ZNF236: variants seen among roughly 807,000 people sequenced by gnomAD.
The protein encoded by ZNF236 is regulated by glucose.
ZNF236 carries 50 observed loss-of-function variants against 191.2 expected under a neutral mutation model. That is an observed-to-expected ratio of 0.26 (90% CI 0.21 to 0.33). The LOEUF (loss-of-function observed/expected upper bound fraction) is 0.33. Ranked by LOEUF, ZNF236 falls within the 10% of genes least tolerant of loss-of-function variation. The pLI is 1.00. For missense variants in ZNF236, 1,754 were observed against 2,374.5 expected (o/e 0.74, Z 5.43); for synonymous variants, 907 against 928.8 (o/e 0.98, Z 0.43).
intron 14 of ZNF236, among the ~76,000 whole-genome samples, chr18:76,909,246 C>T (rs939593208): frequency 7.1e-6 from 1 of 140,736 alleles, no homozygotes; most frequent in African/African-American, 2.7e-5. Context: ...ACCTGGGAGG[C>T]GGAGGTTGCA....
At chr18:76,878,290 GAATT>G (rs1976773680) in intron 7 of ZNF236, 138 bp downstream of exon 7, 1 of 739,254 alleles carries the variant, frequency 1.4e-6, no homozygotes, top group Non-Finnish European at 2.0e-6. Context: ...ACTTTTTAAA[GAATT>G]AAAGTCAATC....
intron 26 of ZNF236, among the ~76,000 whole-genome samples, chr18:76,938,301 G>A (rs952168461): frequency 1.3e-5 from 2 of 152,070 alleles, no homozygotes; most frequent in African/African-American, 4.8e-5. Context: ...GAGGTGGGAG[G>A]ATTGGGTGAG....
intron 3 of ZNF236, among the ~76,000 whole-genome samples, chr18:76,865,527 T>C (rs1976382509): frequency 6.6e-6 from 1 of 152,196 alleles, no homozygotes; most frequent in South Asian, 2.1e-4. Flanking sequence ...GAGAGCCTTC[T>C]GAAGAAAGCC....
chr18:76,922,192 C>CT (rs1178850474), intron 20 of ZNF236, among the ~76,000 whole-genome samples: 3 of 152,194 alleles, frequency 2.0e-5, no homozygotes, highest in Admixed American at 1.3e-4. Flanking sequence ...CCGACGAACA[C>CT]TGAGTTTCCA....
chr18:76,830,874 G>A (rs117568253), intron 1 of ZNF236, among the ~76,000 whole-genome samples: 2,403 of 152,244 alleles, frequency 0.016, 30 homozygotes, highest in Non-Finnish European at 0.019. Flanking sequence ...CTTTTGCTAA[G>A]CTCCTGTTGA....
Position 76,923,176 on chromosome 18 carries a change from TAAGGA to T in ZNF236, c.3661+5_3661+9del, listed in dbSNP as rs776398456. 30 of 1,597,998 alleles carry T rather than the reference TAAGGA, an allele frequency of 1.9e-5. 1 individual carries two copies. The South Asian group carries it at 3.1e-4, about 16-fold the overall frequency. ...ATTGTCATGTGAAGACTCACACAGG[TAAGGA>T]AAACATGCCTGCGTCATTGGTAGAG... On this transcript the variant is annotated splice_donor_5th_base_variant and intron_variant, in intron 21 of 30. Coordinates refer to ENST00000320610, the MANE Select transcript of ZNF236 (RefSeq NM_001306089.2).
chr18:76,956,213 T>G (rs1968521117), intron 28 of ZNF236, 31 bp downstream of exon 28: 1 of 1,540,076 alleles, frequency 6.5e-7, no homozygotes, highest in Non-Finnish European at 8.7e-7. Flanking sequence ...CACAGCTGTG[T>G]GCCCCCCAGG....
intron 4 of ZNF236, among the ~76,000 whole-genome samples, chr18:76,870,145 CTT>C (rs1976539171): frequency 1.3e-5 from 2 of 152,214 alleles, no homozygotes; most frequent in Admixed American, 1.3e-4. Flanking sequence ...TATTTAGCCT[CTT>C]AGACATTGCA....
intron 3 of ZNF236, among the ~76,000 whole-genome samples, chr18:76,863,502 C>T (rs530390256): frequency 1.3e-5 from 2 of 152,192 alleles, no homozygotes; most frequent in South Asian, 4.1e-4. Context: ...GCGAATTTCT[C>T]ATCTGCCTCC....
In ZNF236 at chr18:76,904,227, C is replaced by T. The variant is rs562280094; in HGVS notation, c.1895-153C>T. On this transcript the variant is annotated intron_variant, in intron 11 of 30. Transcript: ENST00000320610. ...TTCCCCATAGGTATTCTTTGAATAG[C>T]CAGTTCCTAACACAATTAAAATAAC... Among the ~76,000 whole-genome samples the T allele has an allele frequency of 5.5e-4, 83 of 151,634 alleles. 1 individual carries two copies. In the South Asian group the frequency reaches 0.017, roughly 31 times the overall value.
At chr18:76,896,305 C>T (rs1051054823) in intron 10 of ZNF236, among the ~76,000 whole-genome samples, 5 of 116,186 alleles carry the variant, frequency 4.3e-5, no homozygotes, top group Non-Finnish European at 3.6e-5. Flanking sequence ...TACAGCCTGC[C>T]GTGCTGCACA....
At chr18:76,895,708 T>G (rs1444170244) in intron 10 of ZNF236, among the ~76,000 whole-genome samples, 1 of 151,178 alleles carries the variant, frequency 6.6e-6, no homozygotes, top group Non-Finnish European at 1.5e-5. Context: ...CTGAACACAG[T>G]ACTGCTCACG....
In ZNF236 at chr18:76,960,501, G is replaced by A. The variant is rs1378721113; in HGVS notation, c.5243-178G>A. Among the ~76,000 whole-genome samples, 1 of 152,106 alleles carries A rather than the reference G, an allele frequency of 6.6e-6. No individual in the cohort carries two copies. Among genetic ancestry groups the A allele is most frequent in the African/African-American group, 2.4e-5 (1 of 41,410 alleles). Reference sequence around the variant, plus strand: ...CATCTGCTGGGGGTCGTTAGGACCTGGCCAGGCTCCCTCTGGTCTCCCTAT... The same window carrying A: ...CATCTGCTGGGGGTCGTTAGGACCTAGCCAGGCTCCCTCTGGTCTCCCTAT... On this transcript the variant is annotated intron_variant, in intron 29 of 30. Coordinates refer to ENST00000320610, the MANE Select transcript of ZNF236 (RefSeq NM_001306089.2). The surrounding 1 kb of genome is among the most constrained non-coding windows in gnomAD (Gnocchi z 4.4).
At chr18:76,878,233 G>T (rs1976770536) in intron 7 of ZNF236, 81 bp downstream of exon 7, 1 of 1,358,004 alleles carries the variant, frequency 7.4e-7, no homozygotes, top group African/African-American at 1.5e-5. Flanking sequence ...TGAATATTTA[G>T]TAGCAAAAAG....
Position 76,925,742 on chromosome 18 carries a change from C to G in ZNF236, c.4027+188C>G, listed in dbSNP as rs560357684. Among the ~76,000 whole-genome samples, 2 of 152,224 alleles carry G rather than the reference C, an allele frequency of 1.3e-5. No homozygotes were observed. The highest frequency in any genetic ancestry group is 2.9e-5 in the Non-Finnish European group (2 of 68,042). On this transcript the variant is annotated intron_variant, in intron 22 of 30. Coordinates refer to ENST00000320610, the MANE Select transcript of ZNF236 (RefSeq NM_001306089.2). The surrounding 1 kb of genome is among the most constrained non-coding windows in gnomAD (Gnocchi z 5.7). ...TTGCAGACATTGCTCCTTTCCATTT[C>G]GCATTCTGTCTTCCATGCCAGCTGC... is the stretch of plus-strand genomic sequence containing the variant.
intron 9 of ZNF236, among the ~76,000 whole-genome samples, chr18:76,881,944 C>G (rs1390327262): frequency 6.6e-6 from 1 of 152,184 alleles, no homozygotes; most frequent in African/African-American, 2.4e-5. Context: ...TCCTCTTCAT[C>G]ATCAAAGGAC....
chr18:76,865,766 G>A (rs1976388467), intron 3 of ZNF236, among the ~76,000 whole-genome samples: 1 of 152,226 alleles, frequency 6.6e-6, no homozygotes, highest in Non-Finnish European at 1.5e-5. Flanking sequence ...GATTGGAGTA[G>A]TAAAAAGTTA....
In ZNF236 at chr18:76,843,775, CAAAAAAAAAAAAAAA is replaced by C. The variant is rs780026489; in HGVS notation, c.56-5735_56-5721del. 3.6e-4 allele frequency among the ~76,000 whole-genome samples: 3 copies of C among 8,258 alleles called. 1 individual carries two copies. The highest frequency in any genetic ancestry group is 0.011 in the East Asian group (2 of 174). 5.4% of individuals were successfully genotyped at this position (8,258 alleles called of 152,430 possible). A position where few individuals can be genotyped will look rare whatever the true frequency, so the allele number is the denominator to read the frequency against. On this transcript the variant is annotated intron_variant, in intron 1 of 30. Coordinates refer to ENST00000320610, the MANE Select transcript of ZNF236 (RefSeq NM_001306089.2). ...TGGGCTACAGAGGGAGACTCCGTCT[CAAAAAAAAAAAAAAA>C]AAAAAAAAAAAAAAAGTAAAGAAGA...
At chr18:76,908,169 C>T (rs1020440372) in intron 13 of ZNF236, 151 bp from the exon 14 acceptor site, 2 of 1,052,960 alleles carry the variant, frequency 1.9e-6, no homozygotes, top group African/African-American at 1.6e-5. Flanking sequence ...CTAATGTGTT[C>T]AGTTTTTACC....
Sources: allele counts gnomAD v4.1 joint callset (sites outside exome capture counted in the v4.1 genomes callset), GRCh38; gene constraint gnomAD v4.1.1; non-coding constraint Gnocchi (gnomAD v3.1); transcripts MANE v1.5; gene names NCBI Gene and HGNC (gene_info 2026-07-23, HGNC 2026-07-21).